NBAS: variants seen among roughly 807,000 people sequenced by gnomAD.
NBAS encodes the protein NAG/BC035112 fusion.
Under a neutral mutation model 302.5 loss-of-function variants are expected in NBAS, and 219 were observed. The observed-to-expected ratio is 0.72, with a 90% confidence interval of 0.65 to 0.81. NBAS has a LOEUF of 0.81. NBAS is among the 30% of genes least tolerant of loss of function. NBAS has a pLI of 0.00. For synonymous variants in NBAS, 1,118 were observed against 1,021.6 expected (o/e 1.09, Z -1.80); for missense variants, 2,932 against 2,841.6 (o/e 1.03, Z -0.72).
intron 19 of NBAS, among the ~76,000 whole-genome samples, chr2:15,466,758 C>A (rs1382308800): frequency 2.0e-5 from 3 of 151,882 alleles, no homozygotes; most frequent in Admixed American, 1.3e-4. Context: ...GGCAACATGG[C>A]AAAACCCTGT....
chr2:15,118,667 C>T, the NBAS span, among the ~76,000 whole-genome samples: 3 of 152,190 alleles, frequency 2.0e-5, no homozygotes, highest in East Asian at 1.9e-4. Flanking sequence ...GGAGTGGCCA[C>T]GGGAGATTAC....
In NBAS at chr2:15,234,527, G is replaced by T; in HGVS notation, c.6146+18C>A. ...AGTGTCACCCCAGTTTTTCCACAAT[G>T]ACCACTTTCTAGCTTACCTCAATGC... On this transcript the variant is annotated intron_variant, in intron 46 of 51. Transcript: ENST00000281513. The T allele has an allele frequency of 2.5e-6, 4 of 1,611,618 alleles. No homozygotes were observed. In the South Asian group the frequency reaches 4.4e-5, roughly 18 times the overall value.
chr2:15,077,361 G>C, the NBAS span, among the ~76,000 whole-genome samples: 1 of 152,100 alleles, frequency 6.6e-6, no homozygotes, highest in African/African-American at 2.4e-5. Context: ...ATGAGATGGG[G>C]GCACAGAGAC....
chr2:15,412,894 C>T lies in NBAS; in HGVS notation c.2937+2652G>A, dbSNP rs535462124. Among the ~76,000 whole-genome samples the T allele has an allele frequency of 5.3e-5, 8 of 152,280 alleles. No homozygotes were observed. The South Asian group carries it at 1.7e-3, about 32-fold the overall frequency. ...GGACAGCTAATTACTTCTACATAAA[C>T]GCTTGCCTGTTTCAAAAACTATCCC... On this transcript the variant is annotated intron_variant, in intron 25 of 51. Coordinates refer to ENST00000281513, the MANE Select transcript of NBAS (RefSeq NM_015909.4).
At chr2:15,336,065 C>T (rs1421478535) in intron 35 of NBAS, among the ~76,000 whole-genome samples, 1 of 150,072 alleles carries the variant, frequency 6.7e-6, no homozygotes, top group Admixed American at 6.6e-5. Context: ...CACTGCCTTC[C>T]AGTCTGGATG....
the NBAS span, among the ~76,000 whole-genome samples, chr2:14,830,695 G>A: frequency 1.3e-5 from 2 of 152,160 alleles, no homozygotes; most frequent in East Asian, 3.9e-4. Context: ...GCTGTGAGTA[G>A]AGGGCAGCTT....
At chr2:15,394,501 A>G (rs960368666) in intron 27 of NBAS, 152 bp from the exon 28 acceptor site, 1 of 721,430 alleles carries the variant, frequency 1.4e-6, no homozygotes, top group African/African-American at 1.8e-5. Flanking sequence ...GATTCTCAGC[A>G]AAAAAGAAAA....
intron 38 of NBAS, among the ~76,000 whole-genome samples, chr2:15,320,573 C>CA (rs1671752922): frequency 6.6e-6 from 1 of 152,108 alleles, no homozygotes; most frequent in Non-Finnish European, 1.5e-5. Context: ...AATCAAGGTG[C>CA]AAAAATCACA....
the NBAS span, among the ~76,000 whole-genome samples, chr2:14,893,998 ATATT>A: frequency 1.1e-4 from 17 of 152,326 alleles, no homozygotes; most frequent in African/African-American, 3.9e-4. Flanking sequence ...TTGATACAAA[ATATT>A]TATTGTGTGT....
chr2:14,818,725 G>A, the NBAS span, among the ~76,000 whole-genome samples: 1 of 152,176 alleles, frequency 6.6e-6, no homozygotes, highest in Non-Finnish European at 1.5e-5. Context: ...CCTCTACAAA[G>A]CAGCTAACGG....
intron 9 of NBAS, among the ~76,000 whole-genome samples, chr2:15,513,075 T>C (rs1022363002): frequency 2.0e-5 from 3 of 152,182 alleles, no homozygotes; most frequent in African/African-American, 7.2e-5. Context: ...TACAAAATCC[T>C]TCTAGGTTTA....
chr2:15,297,253 C>A (rs2148125435), intron 40 of NBAS, among the ~76,000 whole-genome samples: 1 of 152,298 alleles, frequency 6.6e-6, no homozygotes. Flanking sequence ...TTCCTAAGAA[C>A]CATCCTTTTA....
chr2:15,446,865 C>G (rs549271408), intron 21 of NBAS, among the ~76,000 whole-genome samples: 4 of 141,318 alleles, frequency 2.8e-5, no homozygotes, highest in African/African-American at 1.0e-4. Context: ...CTACTATAAA[C>G]CCTAGAGCAA....
chr2:15,508,081 G>A (rs1050257759), intron 10 of NBAS, among the ~76,000 whole-genome samples: 2 of 152,144 alleles, frequency 1.3e-5, no homozygotes, highest in African/African-American at 4.8e-5. Context: ...GTGAGGTAAG[G>A]GAAGGCTATG....
At chr2:15,497,086 T>G (rs1681100852) in intron 11 of NBAS, among the ~76,000 whole-genome samples, 1 of 152,042 alleles carries the variant, frequency 6.6e-6, no homozygotes, top group Non-Finnish European at 1.5e-5. Flanking sequence ...GCACCCTTGA[T>G]GAGCTGAGAT....
chr2:15,483,348 T>C (rs1680505958), intron 12 of NBAS: 1 of 436,408 alleles, frequency 2.3e-6, no homozygotes, highest in African/African-American at 2.0e-5. Context: ...TTCATTCATC[T>C]ACTTAAGATT....
chr2:14,887,078 C>A, the NBAS span, among the ~76,000 whole-genome samples: 1 of 152,160 alleles, frequency 6.6e-6, no homozygotes, highest in Non-Finnish European at 1.5e-5. Context: ...CATAAACTTG[C>A]ATAATTCATA....
intron 35 of NBAS, among the ~76,000 whole-genome samples, chr2:15,333,506 T>G (rs1672442870): frequency 6.6e-6 from 1 of 152,180 alleles, no homozygotes; most frequent in Non-Finnish European, 1.5e-5. Context: ...AGAATCCAGT[T>G]TGGAGACTGC....
rs769696485 is a variant in NBAS at position 15,556,779 on chromosome 2, T to C, written c.209+4A>G. ...ACTGTTTCTCTGAAGAACCGAAGAC[T>C]CACCTGTACCAGATGTATTGGCGTA... On this transcript the variant is annotated splice_donor_region_variant and intron_variant, in intron 3 of 51. Coordinates refer to ENST00000281513, the MANE Select transcript of NBAS (RefSeq NM_015909.4). 2 of 1,607,948 alleles carry C rather than the reference T, an allele frequency of 1.2e-6. No homozygotes were observed. Among genetic ancestry groups the C allele is most frequent in the South Asian group, 2.2e-5 (2 of 90,890 alleles).
Sources: gnomAD v4.1 joint callset for allele counts (sites outside exome capture counted in the v4.1 genomes callset) on GRCh38, gnomAD v4.1.1 for gene constraint, MANE v1.5 for transcripts, NCBI Gene and HGNC (gene_info 2026-07-23, HGNC 2026-07-21) for gene names.